KCNU1: variants seen among roughly 807,000 people sequenced by gnomAD.
KCNU1 encodes potassium channel subfamily U member 1.
Under a neutral mutation model 126.8 loss-of-function variants are expected in KCNU1, and 93 were observed. That is an observed-to-expected ratio of 0.73 (90% CI 0.62 to 0.87). The LOEUF (loss-of-function observed/expected upper bound fraction) is 0.87, where lower values mean the gene tolerates loss of function less well. Ranked by LOEUF, KCNU1 falls within the 40% of genes least tolerant of loss-of-function variation. The probability of loss-of-function intolerance (pLI) is 0.00; values close to 1 mark genes in which losing one functional copy is unlikely to be tolerated. For synonymous variants in KCNU1, 523 were observed against 494.2 expected, an observed-to-expected ratio of 1.06 and a Z score of -0.77; for missense variants, 1,330 against 1,367.1, an observed-to-expected ratio of 0.97 and a Z score of 0.43.
In KCNU1 at chr8:36,930,853, T is replaced by A. The variant is rs1385852852; in HGVS notation, c.2737-98T>A. 4 of 747,026 alleles carry A rather than the reference T, an allele frequency of 5.4e-6. No homozygotes were observed. The African/African-American group carries it at 5.4e-5, about 10-fold the overall frequency. The allele number at this position is 747,026 out of a possible 1,614,324, so 46.3% of individuals were successfully genotyped here. On this transcript the variant is annotated intron_variant, in intron 24 of 26. Transcript: ENST00000399881. ...ACTGTTCTACACCATCAGGTCCATG[T>A]TAAACAGCAATGCCCACTAAATCTC...
chr8:36,921,676 AAAAAG>A (rs1276672611), intron 23 of KCNU1, among the ~76,000 whole-genome samples: 3 of 151,416 alleles, frequency 2.0e-5, no homozygotes, highest in Admixed American at 6.6e-5. Context: ...AAAAAAAAAA[AAAAAG>A]AAGAGTCTAG....
At chr8:36,929,477 C>T (rs376907262) in intron 24 of KCNU1, among the ~76,000 whole-genome samples, 80 of 150,414 alleles carry the variant, frequency 5.3e-4, no homozygotes, top group African/African-American at 1.9e-3. Context: ...TATGACAGTC[C>T]AAGATTCAAA....
At chr8:36,904,703 A>AGGCTT (rs1328171400) in intron 19 of KCNU1, among the ~76,000 whole-genome samples, 16 of 152,168 alleles carry the variant, frequency 1.1e-4, no homozygotes, top group Admixed American at 2.6e-4. Flanking sequence ...TTAGAGGCCT[A>AGGCTT]GGCTTGGTTC....
chr8:36,929,072 T>G (rs1469147523), intron 24 of KCNU1: 1 of 690,306 alleles, frequency 1.4e-6, no homozygotes, highest in Non-Finnish European at 2.6e-6. Flanking sequence ...ACTTTAAAGA[T>G]TATAAAACTG....
intron 22 of KCNU1, among the ~76,000 whole-genome samples, chr8:36,914,279 A>G (rs1050512130): frequency 1.3e-5 from 2 of 152,162 alleles, no homozygotes; most frequent in African/African-American, 4.8e-5. Context: ...ACCAGTGGCA[A>G]TTTATCTCCT....
intron 17 of KCNU1, 61 bp downstream of exon 17, chr8:36,845,730 A>T: frequency 7.0e-7 from 1 of 1,434,890 alleles, no homozygotes; most frequent in Non-Finnish European, 9.8e-7. Flanking sequence ...TGGGAGGCCC[A>T]CTGAGTCAGC....
intron 25 of KCNU1, among the ~76,000 whole-genome samples, chr8:36,931,814 T>A (rs1352228706): frequency 5.9e-5 from 9 of 152,088 alleles, no homozygotes; most frequent in Admixed American, 5.2e-4. Flanking sequence ...ATGCTTGCAT[T>A]TTCTTAGCTG....
chr8:36,804,192 C>A, intron 3 of KCNU1, 104 bp downstream of exon 3: 1 of 736,818 alleles, frequency 1.4e-6, no homozygotes, highest in Non-Finnish European at 2.3e-6. Context: ...TTCACACACA[C>A]ATGCACGCAC....
intron 22 of KCNU1, among the ~76,000 whole-genome samples, chr8:36,915,702 A>C (rs934526788): frequency 1.3e-5 from 2 of 152,104 alleles, no homozygotes; most frequent in Non-Finnish European, 2.9e-5. Context: ...TGCCAGGATG[A>C]CTTTTCCTTT....
At position 36,895,039 on chromosome 8, in the gene KCNU1, A is replaced by G. The variant is rs77994465; in HGVS notation, c.2010-10669A>G. ...AAATAAAATCTGAATATCCTGACTT[A>G]CCCTACTACACATCAGTTTAAGAAC... On this transcript the variant is annotated intron_variant, in intron 19 of 26. Coordinates refer to ENST00000399881, the MANE Select transcript of KCNU1 (RefSeq NM_001031836.3). 6.3e-3 allele frequency among the ~76,000 whole-genome samples: 961 copies of G among 151,932 alleles called. 2 individuals are homozygous for G. The highest frequency in any genetic ancestry group is 0.011 in the Non-Finnish European group (758 of 67,920).
At chr8:36,892,711 T>C (rs1807015378) in intron 19 of KCNU1, among the ~76,000 whole-genome samples, 1 of 152,074 alleles carries the variant, frequency 6.6e-6, no homozygotes, top group South Asian at 2.1e-4. Flanking sequence ...TAAGTCTTCT[T>C]ATATTTGCCA....
intron 11 of KCNU1, among the ~76,000 whole-genome samples, 166 bp downstream of exon 11, chr8:36,833,825 C>T (rs1804649123): frequency 6.6e-6 from 1 of 152,170 alleles, no homozygotes; most frequent in Non-Finnish European, 1.5e-5. Flanking sequence ...TAGTAATTGA[C>T]CCCCAAATCT....
intron 19 of KCNU1, among the ~76,000 whole-genome samples, chr8:36,889,881 C>A (rs575156275): frequency 5.6e-4 from 85 of 152,146 alleles, no homozygotes; most frequent in Admixed American, 1.5e-3. Flanking sequence ...GAAAAGAAGT[C>A]ATCTTGCCCA....
chr8:36,934,125 GA>G (rs1232308906), intron 26 of KCNU1, among the ~76,000 whole-genome samples: 1 of 152,066 alleles, frequency 6.6e-6, no homozygotes, highest in Non-Finnish European at 1.5e-5. Flanking sequence ...GTGATTTATT[GA>G]AATGTAACAT....
At position 36,817,727 on chromosome 8, in the gene KCNU1, G is replaced by C. The variant is rs778056016; in HGVS notation, c.1073G>C (p.Gly358Ala). ...FLRNFLRDKS[G>A]EINTEIVFLG... Reference sequence around the variant, plus strand: ...AGGAATTTCCTCCGCGACAAGTCAGGAGAGATCAACACTGAAATTGTTTTC... The same window carrying C: ...AGGAATTTCCTCCGCGACAAGTCAGCAGAGATCAACACTGAAATTGTTTTC... The change falls in exon 10 of 27, where the codon GGA becomes GCA. Residue 358 changes from glycine to alanine, a missense_variant. Around this residue, in one of 3 missense-constraint regions of KCNU1, gnomAD observed 1,054 missense variants for 1,053.9 expected, o/e 1.00. Coordinates refer to ENST00000399881, the MANE Select transcript of KCNU1 (RefSeq NM_001031836.3). 1.2e-6 allele frequency: 2 copies of C among 1,607,926 alleles called. No homozygotes were observed. The highest frequency in any genetic ancestry group is 2.2e-5 in the South Asian group (2 of 90,844).
chr8:36,835,292 C>T (rs568563479), intron 12 of KCNU1, among the ~76,000 whole-genome samples: 5 of 151,582 alleles, frequency 3.3e-5, no homozygotes, highest in Admixed American at 2.6e-4. Context: ...ATGCGTGGTC[C>T]GGTATGACGT....
chr8:36,916,229 G>A (rs1435164924), intron 22 of KCNU1, among the ~76,000 whole-genome samples: 5 of 140,296 alleles, frequency 3.6e-5, no homozygotes, highest in African/African-American at 1.3e-4. Context: ...GGAAAGGGAA[G>A]GCAAAGAAAG....
intron 24 of KCNU1, chr8:36,923,122 ATTC>A (rs1431748739): frequency 2.2e-6 from 1 of 453,542 alleles, no homozygotes; most frequent in Non-Finnish European, 4.4e-6. Context: ...CTACATGGTT[ATTC>A]TTTAGTTTTC....
chr8:36,818,621 T>C (rs1240893967), intron 10 of KCNU1, among the ~76,000 whole-genome samples: 4 of 152,242 alleles, frequency 2.6e-5, no homozygotes, highest in African/African-American at 2.4e-5. Flanking sequence ...TCTTTACTTT[T>C]CTCAAATGAT....
Sources: allele counts gnomAD v4.1 joint callset (sites outside exome capture counted in the v4.1 genomes callset), GRCh38; gene constraint gnomAD v4.1.1; regional missense constraint gnomAD v4.1.1; transcripts MANE v1.5; gene names NCBI Gene and HGNC (gene_info 2026-07-23, HGNC 2026-07-21).